The following SNX7 variants were observed in gnomAD, a reference collection of about 807,000 sequenced individuals.
The protein encoded by SNX7 is sorting nexin 7.
SNX7 carries 35 observed loss-of-function variants against 48.4 expected under a neutral mutation model. The ratio of observed to expected loss-of-function variants is 0.72; its 90% CI spans 0.55 to 0.96. The LOEUF (loss-of-function observed/expected upper bound fraction) is 0.96. Among genes scored for constraint, SNX7 ranks in the 40% least tolerant of loss-of-function variants. The probability of loss-of-function intolerance (pLI) is 0.00; values close to 1 mark genes in which losing one functional copy is unlikely to be tolerated. For synonymous variants in SNX7, 190 were observed against 190.2 expected (o/e 1.00, Z 0.01); for missense variants, 553 against 548.9 (o/e 1.01, Z -0.07).
intron 7 of SNX7, among the ~76,000 whole-genome samples, chr1:98,716,581 G>A (rs1160304504): frequency 6.6e-6 from 1 of 151,988 alleles, no homozygotes; most frequent in African/African-American, 2.4e-5. Flanking sequence ...GGGTGATGAT[G>A]GCATAAAAAA....
At chr1:98,662,685 C>T (rs1049292234) in intron 1 of SNX7, 1 of 1,289,164 alleles carries the variant, frequency 7.8e-7, no homozygotes, top group South Asian at 1.2e-5. Context: ...AAGAAAAATA[C>T]CTTTCTTGCA....
intron 1 of SNX7, among the ~76,000 whole-genome samples, chr1:98,674,080 G>A (rs144589183): frequency 1.8e-4 from 27 of 152,088 alleles, no homozygotes; most frequent in African/African-American, 6.3e-4. Flanking sequence ...AAAGGAGGGT[G>A]GAAAAAAACA....
intron 1 of SNX7, chr1:98,662,425 C>T: frequency 3.6e-6 from 1 of 281,450 alleles, no homozygotes. Context: ...GGAAATCTCC[C>T]TGAACAGGAG....
intron 5 of SNX7, among the ~76,000 whole-genome samples, chr1:98,698,215 G>A (rs1018264783): frequency 4.6e-5 from 7 of 152,040 alleles, no homozygotes; most frequent in Non-Finnish European, 7.4e-5. Context: ...TTAAGATCTC[G>A]AAGTTTTGGA....
chr1:98,731,124 T>TA (rs11453567), intron 7 of SNX7, among the ~76,000 whole-genome samples: 84,971 of 150,118 alleles, frequency 0.57, 24,822 homozygotes, highest in Non-Finnish European at 0.64. Context: ...TAGTTTTAAC[T>TA]AAAAACAATT....
chr1:98,750,895 G>A (rs940327031), intron 8 of SNX7, among the ~76,000 whole-genome samples: 1 of 152,004 alleles, frequency 6.6e-6, no homozygotes, highest in Admixed American at 6.6e-5. Flanking sequence ...TGTATTCCAC[G>A]CTGGGTCAAG....
Position 98,721,908 on chromosome 1 carries a change from T to C in SNX7, c.1126-16329T>C, listed in dbSNP as rs540891851. Reference sequence around the variant, plus strand: ...ACATCATTTCTTTTTAATAGAAATATATTAATGACTGATAGAAGCACCTAG... The same window carrying C: ...ACATCATTTCTTTTTAATAGAAATACATTAATGACTGATAGAAGCACCTAG... On this transcript the variant is annotated intron_variant, in intron 7 of 8. Transcript: ENST00000306121. Among the ~76,000 whole-genome samples, 7 of 152,224 alleles carry C rather than the reference T, an allele frequency of 4.6e-5. No homozygotes were observed. In the East Asian group the frequency reaches 1.4e-3, roughly 29 times the overall value.
At chr1:98,732,786 GT>G (rs745667119) in intron 7 of SNX7, among the ~76,000 whole-genome samples, 1 of 152,048 alleles carries the variant, frequency 6.6e-6, no homozygotes, top group Non-Finnish European at 1.5e-5. Flanking sequence ...AGGACCAAAT[GT>G]TTTAACAGTT....
At chr1:98,743,910 G>A (rs1041081838) in intron 8 of SNX7, among the ~76,000 whole-genome samples, 15 of 152,032 alleles carry the variant, frequency 9.9e-5, no homozygotes, top group African/African-American at 3.6e-4. Flanking sequence ...AAACTATATT[G>A]ATAATGATGA....
At chr1:98,722,427 T>C (rs1009897237) in intron 7 of SNX7, among the ~76,000 whole-genome samples, 1 of 152,150 alleles carries the variant, frequency 6.6e-6, no homozygotes, top group Non-Finnish European at 1.5e-5. Flanking sequence ...CTCTTATCTT[T>C]CCCCTGCAAT....
At chr1:98,724,608 G>C (rs1367416844) in intron 7 of SNX7, among the ~76,000 whole-genome samples, 3 of 152,076 alleles carry the variant, frequency 2.0e-5, no homozygotes, top group Non-Finnish European at 4.4e-5. Context: ...GACAATCACG[G>C]AATAAGGATA....
intron 7 of SNX7, among the ~76,000 whole-genome samples, chr1:98,723,472 C>A (rs1454019512): frequency 6.6e-6 from 1 of 151,216 alleles, no homozygotes; most frequent in Non-Finnish European, 1.5e-5. Context: ...TTTTTTTTGG[C>A]CAGAATTAGA....
chr1:98,702,667 A>G (rs1651810671), intron 7 of SNX7, among the ~76,000 whole-genome samples: 1 of 152,090 alleles, frequency 6.6e-6, no homozygotes, highest in Admixed American at 6.6e-5. Flanking sequence ...TAATTTGCCT[A>G]AGTTTATATA....
chr1:98,736,802 G>A (rs370722359), intron 7 of SNX7, among the ~76,000 whole-genome samples: 1 of 152,142 alleles, frequency 6.6e-6, no homozygotes, highest in Admixed American at 6.6e-5. Context: ...AGCATCAGAA[G>A]TAATACATTT....
At position 98,741,471 on chromosome 1, in the gene SNX7, A is replaced by G. The variant is rs149874238; in HGVS notation, c.1278+3082A>G. ...GTATGAATTTATTGGGAGAGAGTTG[A>G]TTCTAAATCCAGAACAGGTGTCTCA... is the stretch of plus-strand genomic sequence containing the variant. On this transcript the variant is annotated intron_variant, in intron 8 of 8. Transcript: ENST00000306121. Among the ~76,000 whole-genome samples the G allele has an allele frequency of 6.0e-4, 92 of 152,258 alleles. 1 individual carries two copies. The highest frequency in any genetic ancestry group is 2.0e-3 in the African/African-American group (82 of 41,572).
At chr1:98,726,425 C>A (rs1049656448) in intron 7 of SNX7, among the ~76,000 whole-genome samples, 1 of 152,124 alleles carries the variant, frequency 6.6e-6, no homozygotes, top group Non-Finnish European at 1.5e-5. Context: ...GGAAACTTAT[C>A]GTTGAGGCAG....
chr1:98,717,699 T>G (rs1400639390), intron 7 of SNX7, among the ~76,000 whole-genome samples: 2 of 152,118 alleles, frequency 1.3e-5, no homozygotes, highest in Non-Finnish European at 2.9e-5. Context: ...TGACCTGCCT[T>G]GTTTATCTCT....
intron 4 of SNX7, 115 bp downstream of exon 4, chr1:98,691,814 T>A (rs1651144191): frequency 3.5e-6 from 3 of 861,874 alleles, no homozygotes; most frequent in Non-Finnish European, 4.9e-6. Flanking sequence ...TGAATTGAGA[T>A]GGAATTTTTC....
chr1:98,688,269 A>G (rs1272457268), intron 2 of SNX7, among the ~76,000 whole-genome samples: 1 of 152,182 alleles, frequency 6.6e-6, no homozygotes, highest in Admixed American at 6.5e-5. Context: ...GAATGATCCA[A>G]CTGTGAATGA....
Sources: gnomAD v4.1 joint callset for allele counts (sites outside exome capture counted in the v4.1 genomes callset) on GRCh38, gnomAD v4.1.1 for gene constraint, MANE v1.5 for transcripts, NCBI Gene and HGNC (gene_info 2026-07-23, HGNC 2026-07-21) for gene names.